Variants in MEGF11 observed in about 807,000 individuals in gnomAD.
The protein encoded by MEGF11 is multiple epidermal growth factor-like domains protein 11.
MEGF11 carries 126 observed loss-of-function variants against 146.6 expected under a neutral mutation model. The observed-to-expected ratio is 0.86, with a 90% CI of 0.74 to 1.00. The LOEUF (loss-of-function observed/expected upper bound fraction) is 1.00. Among genes scored for constraint, MEGF11 ranks in the 50% least tolerant of loss-of-function variants. The pLI, the probability that MEGF11 is intolerant of heterozygous loss-of-function variation, is 0.00. For synonymous variants in MEGF11, 532 were observed against 583.4 expected, an observed-to-expected ratio of 0.91 and a Z score of 1.27; for missense variants, 1,509 against 1,521.2, an observed-to-expected ratio of 0.99 and a Z score of 0.13.
intron 8 of MEGF11, among the ~76,000 whole-genome samples, chr15:65,965,578 T>G (rs2081040285): frequency 6.8e-5 from 1 of 14,658 alleles, no homozygotes; most frequent in Non-Finnish European, 2.1e-4. Context: ...GTCCCTTTCT[T>G]TCTTTCTTTC....
intron 1 of MEGF11, among the ~76,000 whole-genome samples, chr15:66,191,358 CA>C (rs146871315): frequency 0.042 from 6,347 of 152,254 alleles, 195 homozygotes; most frequent in Non-Finnish European, 0.06. Context: ...AGCTTCTATA[CA>C]GGGGTTTCAA....
rs1256101524 is a variant in MEGF11 at position 66,141,230 on chromosome 15, AGG to A, written c.-8-12821_-8-12820del. On this transcript the variant is annotated intron_variant, in intron 1 of 25. Transcript: ENST00000395614. ...TGGGATGTCTCTGTCCTGCAGACTC[AGG>A]GGTGTGTGTGTGTGTGTGTGTGTGT... Among the ~76,000 whole-genome samples the A allele has an allele frequency of 3.5e-5, 4 of 115,098 alleles. No homozygotes were observed. The Admixed American group carries it at 3.8e-4, about 11-fold the overall frequency. The allele number at this position is 115,098 out of a possible 152,430, so 75.5% of individuals were successfully genotyped here. A position where few individuals can be genotyped will look rare whatever the true frequency, so the allele number is the denominator to read the frequency against.
chr15:66,149,907 T>C (rs1197854067), intron 1 of MEGF11, among the ~76,000 whole-genome samples: 1 of 152,246 alleles, frequency 6.6e-6, no homozygotes, highest in African/African-American at 2.4e-5. Context: ...CACTCAGCAC[T>C]GGGCTCTTCA....
chr15:66,124,408 T>G (rs1299323046), intron 2 of MEGF11, among the ~76,000 whole-genome samples: 1 of 152,242 alleles, frequency 6.6e-6, no homozygotes. Flanking sequence ...GCAGCAACTC[T>G]GTGAAGTAAG....
chr15:66,071,333 C>T (rs1440576845), intron 5 of MEGF11, among the ~76,000 whole-genome samples: 5 of 152,136 alleles, frequency 3.3e-5, no homozygotes, highest in Non-Finnish European at 5.9e-5. Context: ...CGTGGGGTGC[C>T]GTGCCAGCCT....
At chr15:65,984,635 CAGA>C (rs1210140979) in intron 5 of MEGF11, among the ~76,000 whole-genome samples, 1 of 150,710 alleles carries the variant, frequency 6.6e-6, no homozygotes, top group Non-Finnish European at 1.5e-5. Context: ...ACTCAGTGAG[CAGA>C]AGGACTAGCA....
intron 1 of MEGF11, among the ~76,000 whole-genome samples, chr15:66,139,352 T>G (rs1324632832): frequency 6.6e-6 from 1 of 152,220 alleles, no homozygotes; most frequent in African/African-American, 2.4e-5. Flanking sequence ...CCAGAGTCAC[T>G]GTGTGCCTGG....
intron 10 of MEGF11, among the ~76,000 whole-genome samples, chr15:65,932,331 C>T (rs1250332185): frequency 6.6e-6 from 1 of 152,134 alleles, no homozygotes; most frequent in Non-Finnish European, 1.5e-5. Context: ...TAGAGGGCCT[C>T]ACCTGCGAGC....
chr15:66,025,081 G>T (rs891317773), intron 5 of MEGF11, among the ~76,000 whole-genome samples: 1 of 152,040 alleles, frequency 6.6e-6, no homozygotes. Flanking sequence ...GATGAATTCC[G>T]GCCAGGTCTG....
chr15:66,227,526 G>A (rs976727170), intron 1 of MEGF11, among the ~76,000 whole-genome samples: 3 of 152,104 alleles, frequency 2.0e-5, no homozygotes, highest in African/African-American at 7.2e-5. Flanking sequence ...CTGAACTCGG[G>A]CCTTCCTTCT....
chr15:66,015,655 A>G (rs1411312430), intron 5 of MEGF11, among the ~76,000 whole-genome samples: 1 of 152,222 alleles, frequency 6.6e-6, no homozygotes, highest in African/African-American at 2.4e-5. Flanking sequence ...CCAACACAGT[A>G]TCTAGAACAG....
intron 5 of MEGF11, among the ~76,000 whole-genome samples, chr15:66,011,714 A>C (rs1003607827): frequency 1.5e-5 from 1 of 65,720 alleles, no homozygotes; most frequent in Non-Finnish European, 3.2e-5. Context: ...CCCCCAGGGA[A>C]TTTAGCTATT....
chr15:66,028,106 T>C (rs2083397894), intron 5 of MEGF11, among the ~76,000 whole-genome samples: 1 of 152,192 alleles, frequency 6.6e-6, no homozygotes. Context: ...TGCAGTAAGA[T>C]GTCTCTGTAC....
intron 5 of MEGF11, among the ~76,000 whole-genome samples, chr15:66,071,016 T>C (rs1010859783): frequency 6.6e-6 from 1 of 152,036 alleles, no homozygotes; most frequent in Non-Finnish European, 1.5e-5. Context: ...CTGTGGTGTA[T>C]CTTGGTGGCA....
chr15:66,204,076 C>T (rs2091236677), intron 1 of MEGF11, among the ~76,000 whole-genome samples: 1 of 144,504 alleles, frequency 6.9e-6, no homozygotes, highest in Admixed American at 7.0e-5. Flanking sequence ...GATCTCATCT[C>T]TATTAAAGGG....
At chr15:66,050,161 G>A (rs1447577207) in intron 5 of MEGF11, among the ~76,000 whole-genome samples, 1 of 152,196 alleles carries the variant, frequency 6.6e-6, no homozygotes, top group African/African-American at 2.4e-5. Flanking sequence ...CAGGGCTCAA[G>A]CAATCCTCCT....
chr15:66,119,216 A>G (rs1188399924), intron 3 of MEGF11, 30 bp from the exon 4 acceptor site: 2 of 1,454,282 alleles, frequency 1.4e-6, no homozygotes, highest in African/African-American at 1.4e-5. Context: ...GCCACTTGAA[A>G]GTATTGAAAA....
At chr15:65,958,330 T>G (rs2080731558) in intron 9 of MEGF11, among the ~76,000 whole-genome samples, 2 of 152,158 alleles carry the variant, frequency 1.3e-5, no homozygotes, top group South Asian at 4.1e-4. Context: ...ATCTCCTGTT[T>G]AGGCTAGAGA....
At chr15:66,166,844 G>A (rs921342362) in intron 1 of MEGF11, among the ~76,000 whole-genome samples, 1 of 151,986 alleles carries the variant, frequency 6.6e-6, no homozygotes. Flanking sequence ...CAGCAATCCT[G>A]GATAAATAAA....
Sources: allele counts gnomAD v4.1 joint callset (sites outside exome capture counted in the v4.1 genomes callset), GRCh38; gene constraint gnomAD v4.1.1; transcripts MANE v1.5; gene names NCBI Gene and HGNC (gene_info 2026-07-23, HGNC 2026-07-21).